XYLT1: variants seen among roughly 807,000 people sequenced by gnomAD.
XYLT1 encodes beta-D-xylosyltransferase 1.
A neutral mutation model predicts 91.3 loss-of-function variants in XYLT1; 36 were observed. That is an observed-to-expected ratio of 0.39 (90% CI 0.30 to 0.52). The LOEUF is 0.52. Among genes scored for constraint, XYLT1 ranks in the 20% least tolerant of loss-of-function variants. The pLI, the probability that XYLT1 is intolerant of heterozygous loss-of-function variation, is 0.68. For missense variants in XYLT1, 1,242 were observed against 1,284.5 expected (o/e 0.97, Z 0.51); for synonymous variants, 588 against 532.0 (o/e 1.11, Z -1.45).
intron 2 of XYLT1, among the ~76,000 whole-genome samples, chr16:17,330,795 G>GA (rs558088198): frequency 0.044 from 6,281 of 142,138 alleles, 166 homozygotes; most frequent in South Asian, 0.071. Context: ...CTCCCTCTCG[G>GA]AAAAAAAAAA....
intron 2 of XYLT1, among the ~76,000 whole-genome samples, chr16:17,271,846 T>C (rs2033899792): frequency 6.6e-6 from 1 of 152,146 alleles, no homozygotes; most frequent in Admixed American, 6.5e-5. Flanking sequence ...CAGCCTTTCT[T>C]TCCCTCATTT....
At chr16:17,377,703 C>T (rs1307508021) in intron 1 of XYLT1, among the ~76,000 whole-genome samples, 1 of 152,142 alleles carries the variant, frequency 6.6e-6, no homozygotes, top group African/African-American at 2.4e-5. Flanking sequence ...CCTCGAAACC[C>T]AGACATGACT....
intron 5 of XYLT1, among the ~76,000 whole-genome samples, chr16:17,171,662 G>A (rs537798749): frequency 6.6e-6 from 1 of 152,366 alleles, no homozygotes; most frequent in East Asian, 1.9e-4. Context: ...GAAAACTTCA[G>A]AAATGATTTA....
At chr16:17,342,403 A>T (rs1463394515) in intron 2 of XYLT1, among the ~76,000 whole-genome samples, 1 of 151,290 alleles carries the variant, frequency 6.6e-6, no homozygotes, top group Non-Finnish European at 1.5e-5. Flanking sequence ...CCATGCTCTC[A>T]TCGCCATCTG....
intron 1 of XYLT1, among the ~76,000 whole-genome samples, chr16:17,377,810 G>A (rs1487656258): frequency 6.6e-6 from 1 of 152,068 alleles, no homozygotes; most frequent in Non-Finnish European, 1.5e-5. Flanking sequence ...GAAAGGGGAG[G>A]GTGTACAAGC....
At chr16:17,456,342 T>C (rs1364010914) in intron 1 of XYLT1, among the ~76,000 whole-genome samples, 1 of 145,760 alleles carries the variant, frequency 6.9e-6, no homozygotes, top group East Asian at 1.9e-4. Flanking sequence ...CTTTTTTTTT[T>C]TTTTTTTTTT....
At chr16:17,250,005 C>T (rs552857843) in intron 3 of XYLT1, 25 of 152,414 alleles carry the variant, frequency 1.6e-4, no homozygotes, top group African/African-American at 6.0e-4. Flanking sequence ...GGTTCCCCAC[C>T]TCACCTGTCC....
intron 3 of XYLT1, among the ~76,000 whole-genome samples, chr16:17,231,571 T>A (rs565355331): frequency 6.6e-6 from 1 of 152,238 alleles, no homozygotes; most frequent in South Asian, 2.1e-4. Context: ...GTTATGAGAT[T>A]TTGTTGCTGT....
At chr16:17,158,776 A>C in intron 6 of XYLT1, 53 bp downstream of exon 6, 2 of 1,590,618 alleles carry the variant, frequency 1.3e-6, no homozygotes, top group South Asian at 2.2e-5. Flanking sequence ...TCCCCAAATG[A>C]TCACTCAGAT....
At chr16:17,317,111 C>T (rs987049196) in intron 2 of XYLT1, among the ~76,000 whole-genome samples, 38 of 152,074 alleles carry the variant, frequency 2.5e-4, no homozygotes, top group African/African-American at 8.4e-4. Flanking sequence ...CGTGAGCCAC[C>T]GTGCCCGGCC....
At chr16:17,266,662 C>T (rs1312049149) in intron 2 of XYLT1, among the ~76,000 whole-genome samples, 6 of 152,136 alleles carry the variant, frequency 3.9e-5, no homozygotes, top group African/African-American at 4.8e-5. Context: ...CACATGAGGG[C>T]GCCTGGCCCA....
chr16:17,239,239 TC>T (rs2033298571), intron 3 of XYLT1, among the ~76,000 whole-genome samples: 4 of 148,200 alleles, frequency 2.7e-5, no homozygotes, highest in Non-Finnish European at 4.5e-5. Flanking sequence ...CATCCATTCA[TC>T]TCATTCATCC....
chr16:17,445,824 G>A (rs1458503383), intron 1 of XYLT1: 1 of 152,252 alleles, frequency 6.6e-6, no homozygotes, highest in Non-Finnish European at 1.5e-5. Flanking sequence ...AGCAGCTGAA[G>A]TGAGTGAAGA....
In XYLT1 at chr16:17,197,971, T is replaced by C. The variant is rs927821344; in HGVS notation, c.1289+241A>G. 29 of 569,196 alleles carry C rather than the reference T, an allele frequency of 5.1e-5. No homozygotes were observed. In the South Asian group the frequency reaches 5.5e-4, roughly 11 times the overall value. The allele number at this position is 569,196 out of a possible 1,614,324, so 35.3% of individuals were successfully genotyped here. On this transcript the variant is annotated intron_variant, in intron 5 of 11. Transcript: ENST00000261381. ...CTCCACGCGGGTTGGAGTTTCCGTCTGTTTAGTGCACTGGCATATCAGCTA... is the reference window on the plus strand; with the variant it reads ...CTCCACGCGGGTTGGAGTTTCCGTCCGTTTAGTGCACTGGCATATCAGCTA...
chr16:17,370,912 C>T (rs1420158575), intron 1 of XYLT1, among the ~76,000 whole-genome samples: 1 of 152,180 alleles, frequency 6.6e-6, no homozygotes, highest in Middle Eastern at 3.2e-3. Context: ...TCCTGCTTGC[C>T]ACAGTCCCCG....
At chr16:17,414,533 C>T (rs981035546) in intron 1 of XYLT1, among the ~76,000 whole-genome samples, 17 of 152,134 alleles carry the variant, frequency 1.1e-4, no homozygotes, top group African/African-American at 3.1e-4. Flanking sequence ...AGGCACAAAA[C>T]GAGACGGACC....
At chr16:17,293,023 G>A (rs944165175) in intron 2 of XYLT1, among the ~76,000 whole-genome samples, 1 of 152,178 alleles carries the variant, frequency 6.6e-6, no homozygotes, top group African/African-American at 2.4e-5. Context: ...GCAGGCATGG[G>A]AGCATTTCAG....
At chr16:17,426,002 G>T (rs1190354158) in intron 1 of XYLT1, among the ~76,000 whole-genome samples, 1 of 152,094 alleles carries the variant, frequency 6.6e-6, no homozygotes, top group African/African-American at 2.4e-5. Flanking sequence ...CCAATGTTTT[G>T]TAAGGAACAA....
intron 1 of XYLT1, among the ~76,000 whole-genome samples, chr16:17,413,183 C>A (rs545714041): frequency 6.6e-6 from 1 of 152,108 alleles, no homozygotes; most frequent in African/African-American, 2.4e-5. Context: ...TTTGTGCCCC[C>A]GGGACCTGGT....
Sources: allele counts gnomAD v4.1 joint callset (sites outside exome capture counted in the v4.1 genomes callset), GRCh38; gene constraint gnomAD v4.1.1; transcripts MANE v1.5; gene names NCBI Gene and HGNC (gene_info 2026-07-23, HGNC 2026-07-21).